Variants in NELL2 observed in about 807,000 individuals in gnomAD.
NELL2 encodes the protein neural EGFL like 2.
In NELL2, 41 loss-of-function variants were observed where a neutral mutation model predicts 109.6. That is an observed-to-expected ratio of 0.37 (90% CI 0.29 to 0.49). The LOEUF is 0.49. NELL2 is among the 20% of genes least tolerant of loss of function. NELL2 has a pLI of 0.98. For synonymous variants in NELL2, 355 were observed against 344.7 expected (o/e 1.03, Z -0.33); for missense variants, 900 against 1,008.3 (o/e 0.89, Z 1.45).
At chr12:44,883,108 C>G (rs759497086) in intron 1 of NELL2, among the ~76,000 whole-genome samples, 2 of 151,366 alleles carry the variant, frequency 1.3e-5, no homozygotes, top group Non-Finnish European at 2.9e-5. Context: ...CTTGGTCTCC[C>G]AAAATGCTAG....
intron 3 of NELL2, among the ~76,000 whole-genome samples, chr12:44,802,406 T>G (rs948849640): frequency 6.6e-6 from 1 of 152,072 alleles, no homozygotes; most frequent in African/African-American, 2.4e-5. Flanking sequence ...TCAGGATGAA[T>G]GTAAATGCCT....
chr12:44,913,621 T>A lies in NELL2; in HGVS notation c.38+178A>T, dbSNP rs77451947. On this transcript the variant is annotated intron_variant, in intron 1 of 20. Transcript: ENST00000333837. Reference sequence around the variant, plus strand: ...ATAGTTGTGAATTTAGCAAAGAAATTCCCAAACTCTTAACATACTATAAAA... The same window carrying A: ...ATAGTTGTGAATTTAGCAAAGAAATACCCAAACTCTTAACATACTATAAAA... Among the ~76,000 whole-genome samples, 1,110 of 152,218 alleles carry A rather than the reference T, an allele frequency of 7.3e-3. 14 individuals are homozygous for A. Among genetic ancestry groups the A allele is most frequent in the African/African-American group, 0.025 (1,044 of 41,548 alleles).
rs552670204 is a variant in NELL2, at chr12:44,518,564, C to A, written c.2400+1441G>T. Among the ~76,000 whole-genome samples, 7 of 152,258 alleles carry A rather than the reference C, an allele frequency of 4.6e-5. No individual in the cohort carries two copies. The South Asian group carries it at 1.5e-3, about 32-fold the overall frequency. On this transcript the variant is annotated intron_variant, in intron 19 of 19. Transcript: ENST00000429094. Reference sequence around the variant, plus strand: ...CCGGCCTCATTCAAATTCTTTACCCCAGAAAACAGTCTGAGTTGTTTTCCT... The same window carrying A: ...CCGGCCTCATTCAAATTCTTTACCCAAGAAAACAGTCTGAGTTGTTTTCCT...
Position 44,816,030 on chromosome 12 carries a change from G to A in NELL2, c.291C>T (p.His97=), listed in dbSNP as rs754815021. The A allele has an allele frequency of 4.3e-6, 7 of 1,612,742 alleles. No homozygotes were observed. The Admixed American group carries it at 5.0e-5, about 12-fold the overall frequency. Residue 97 remains histidine (H), a synonymous_variant, in exon 3 of 20, where the codon CAC becomes CAT. Coordinates refer to ENST00000429094, the MANE Select transcript of NELL2 (RefSeq NM_001145108.2). ...FTILVTLKQT[H]LNSGVILSIH... The stretch of plus-strand genomic sequence containing the variant: ...TTGAGAGAATAACTCCTGAATTTAA[G>A]TGGGTCTGTTTTAGGGTCACCAAAA...
chr12:44,779,637 A>G, intron 5 of NELL2, 26 bp downstream of exon 5: 3 of 1,560,776 alleles, frequency 1.9e-6, no homozygotes, highest in Non-Finnish European at 1.8e-6. Flanking sequence ...TTTACATTTC[A>G]TTCTCAGACT....
rs549219829 is a variant in NELL2, at chr12:44,861,433, C to T, written c.184+13792G>A. 3.3e-5 allele frequency among the ~76,000 whole-genome samples: 5 copies of T among 152,156 alleles called. 1 individual carries two copies. The highest frequency in any genetic ancestry group is 1.2e-4 in the African/African-American group (5 of 41,518). ...CCAATCAGACTTGGTCTTTGGGCTG[C>T]CCCACTGTCAGCCCAACCCCAGTAG... On this transcript the variant is annotated intron_variant, in intron 2 of 19. Coordinates refer to ENST00000429094, the MANE Select transcript of NELL2 (RefSeq NM_001145108.2).
chr12:44,695,507 G>A (rs1949037171), intron 12 of NELL2, among the ~76,000 whole-genome samples: 1 of 152,066 alleles, frequency 6.6e-6, no homozygotes, highest in African/African-American at 2.4e-5. Flanking sequence ...GACCATCCTA[G>A]GCAACAAAGC....
chr12:44,672,415 G>A (rs1249241506), intron 12 of NELL2, among the ~76,000 whole-genome samples: 2 of 152,126 alleles, frequency 1.3e-5, no homozygotes, highest in African/African-American at 4.8e-5. Context: ...AATGCCTGAT[G>A]ATCTGAGGTA....
intron 12 of NELL2, among the ~76,000 whole-genome samples, chr12:44,692,502 A>G (rs924448398): frequency 2.6e-5 from 4 of 152,120 alleles, no homozygotes; most frequent in Non-Finnish European, 4.4e-5. Flanking sequence ...TAGACTTTCT[A>G]GTCTTATTAC....
rs34872244 is a variant in NELL2, at chr12:44,537,016, C to CAA, written c.1664-4297_1664-4296dup. Reference sequence around the variant, plus strand: ...AAACAAAACAAAACAAAACAAAAACCAAAAAAAAAAAAAAAGGAAAATGTA... The same window carrying CAA: ...AAACAAAACAAAACAAAACAAAAACCAAAAAAAAAAAAAAAAAGGAAAATGTA... On this transcript the variant is annotated intron_variant, in intron 15 of 19. Transcript: ENST00000429094. Among the ~76,000 whole-genome samples the CAA allele has an allele frequency of 7.0e-3, 757 of 107,748 alleles. 3 individuals are homozygous for CAA. The highest frequency in any genetic ancestry group is 0.061 in the Middle Eastern group (13 of 214). 70.7% of individuals were successfully genotyped at this position (107,748 alleles called of 152,430 possible). A position where few individuals can be genotyped will look rare whatever the true frequency, so the allele number is the denominator to read the frequency against.
chr12:44,887,634 T>G (rs1945488509), intron 1 of NELL2, among the ~76,000 whole-genome samples: 1 of 146,014 alleles, frequency 6.8e-6, no homozygotes. Context: ...TTGGGGGGAT[T>G]ATTGTGTGTG....
chr12:44,858,392 A>G (rs1944742681), intron 2 of NELL2, among the ~76,000 whole-genome samples: 1 of 152,130 alleles, frequency 6.6e-6, no homozygotes, highest in Admixed American at 6.5e-5. Flanking sequence ...TTGTAGGGAG[A>G]GACACATGGT....
At chr12:44,723,190 CA>C (rs754475891) in intron 9 of NELL2, among the ~76,000 whole-genome samples, 50 of 125,580 alleles carry the variant, frequency 4.0e-4, no homozygotes, top group Middle Eastern at 4.1e-3. Context: ...GACTCCGTCT[CA>C]AAAAAAAAAA....
intron 19 of NELL2, among the ~76,000 whole-genome samples, chr12:44,512,657 C>T (rs1473886115): frequency 6.6e-6 from 1 of 152,010 alleles, no homozygotes; most frequent in East Asian, 1.9e-4. Context: ...AGAATGAAAT[C>T]TTGTCATTTT....
upstream of NELL2, among the ~76,000 whole-genome samples, chr12:44,917,792 G>C (rs1032034460): frequency 6.6e-6 from 1 of 152,206 alleles, no homozygotes; most frequent in Non-Finnish European, 1.5e-5. Context: ...AGAGAAGTAA[G>C]GGGTCATGTT....
At chr12:44,575,406 G>A (rs570818833) in intron 15 of NELL2, among the ~76,000 whole-genome samples, 1 of 152,214 alleles carries the variant, frequency 6.6e-6, no homozygotes, top group Non-Finnish European at 1.5e-5. Flanking sequence ...AGGCTTGGAA[G>A]CATTTACACT....
chr12:44,692,091 T>C (rs555325170), intron 12 of NELL2, among the ~76,000 whole-genome samples: 2 of 152,264 alleles, frequency 1.3e-5, no homozygotes, highest in South Asian at 4.1e-4. Context: ...CTTTTACAGC[T>C]AGAGAGACAG....
At chr12:44,745,868 C>G (rs528716321) in intron 9 of NELL2, among the ~76,000 whole-genome samples, 25 of 151,974 alleles carry the variant, frequency 1.6e-4, no homozygotes, top group Middle Eastern at 3.4e-3. Flanking sequence ...AATGGCCACA[C>G]TGCCAAAGGT....
At position 44,678,851 on chromosome 12, in the gene NELL2, C is replaced by A. The variant is rs192775508; in HGVS notation, c.1319-13242G>T. On this transcript the variant is annotated intron_variant, in intron 12 of 19. Transcript: ENST00000429094. ...ATCAGTGACCTTGGTGAGAGTAGTA[C>A]GGAGGGGATATGTGATGACAAGTCT... Among the ~76,000 whole-genome samples the A allele has an allele frequency of 2.3e-3, 354 of 151,922 alleles. 1 individual carries two copies. Among genetic ancestry groups the A allele is most frequent in the African/African-American group, 8.2e-3 (341 of 41,450 alleles).
Sources: allele counts gnomAD v4.1 joint callset (sites outside exome capture counted in the v4.1 genomes callset), GRCh38; gene constraint gnomAD v4.1.1; transcripts MANE v1.5; gene names NCBI Gene and HGNC (gene_info 2026-07-23, HGNC 2026-07-21).